ERC1: variants seen among roughly 807,000 people sequenced by gnomAD.
ERC1 encodes ELKS/RAB6-interacting/CAST family member 1, also known as RAB6 interacting protein 2.
A neutral mutation model predicts 132.0 loss-of-function variants in ERC1; 56 were observed. The ratio of observed to expected loss-of-function variants is 0.42; its 90% CI spans 0.34 to 0.53. The LOEUF is 0.53. ERC1 is among the 20% of genes least tolerant of loss of function. ERC1 has a pLI of 0.03. For missense variants in ERC1, 1,202 were observed against 1,349.9 expected (o/e 0.89, Z 1.72); for synonymous variants, 478 against 476.1 (o/e 1.00, Z -0.05).
chr12:1,023,432 A>C (rs900150752), intron 1 of ERC1, among the ~76,000 whole-genome samples: 4 of 151,680 alleles, frequency 2.6e-5, no homozygotes, highest in African/African-American at 7.3e-5. Flanking sequence ...CCCCTGCAGC[A>C]GCAGGTTTGG....
rs71293127 is a variant in ERC1, at chr12:1,286,293, C to CAAA, written c.2620-3543_2620-3541dup. Among the ~76,000 whole-genome samples the CAAA allele has an allele frequency of 3.2e-3, 259 of 81,110 alleles. 7 individuals are homozygous for CAAA. Among genetic ancestry groups the CAAA allele is most frequent in the Admixed American group, 5.7e-3 (38 of 6,722 alleles). The allele number at this position is 81,110 out of a possible 152,430, so 53.2% of individuals were successfully genotyped here. A position where few individuals can be genotyped will look rare whatever the true frequency, so the allele number is the denominator to read the frequency against. ...TGGGCAACAGGGCAAGACTCCATCT[C>CAAA]AAAAAAAAAAAAAAAAAAGAAAACT... On this transcript the variant is annotated intron_variant, in intron 14 of 18. Transcript: ENST00000360905.
intron 17 of ERC1, among the ~76,000 whole-genome samples, chr12:1,414,535 C>T (rs750510639): frequency 5.3e-5 from 8 of 152,174 alleles, no homozygotes; most frequent in South Asian, 4.2e-4. Flanking sequence ...ATAGCAATGA[C>T]GTTGCTGACT....
intron 8 of ERC1, among the ~76,000 whole-genome samples, chr12:1,154,907 T>C (rs1593782023): frequency 6.6e-6 from 1 of 152,128 alleles, no homozygotes; most frequent in East Asian, 1.9e-4. Context: ...TAAAAAATAA[T>C]AGCTGGTATC....
chr12:1,050,979 T>C (rs1165495236), intron 2 of ERC1, among the ~76,000 whole-genome samples: 3 of 151,936 alleles, frequency 2.0e-5, no homozygotes, highest in African/African-American at 7.3e-5. Flanking sequence ...CACTCCAGCC[T>C]GGCAACAGAG....
chr12:1,374,382 GC>G (rs936626656), intron 16 of ERC1, among the ~76,000 whole-genome samples: 10 of 151,086 alleles, frequency 6.6e-5, no homozygotes, highest in Admixed American at 1.3e-4. Flanking sequence ...TCTAACCACC[GC>G]CCCCCCACCC....
At chr12:1,347,105 G>A (rs114523384) in intron 15 of ERC1, among the ~76,000 whole-genome samples, 2 of 152,164 alleles carry the variant, frequency 1.3e-5, no homozygotes, top group Non-Finnish European at 1.5e-5. Context: ...TTTGTCGAGA[G>A]TCACTCCTGG....
chr12:1,231,206 A>C (rs567962194), intron 12 of ERC1, among the ~76,000 whole-genome samples: 1 of 150,462 alleles, frequency 6.6e-6, no homozygotes, highest in African/African-American at 2.4e-5. Context: ...ACTGGAGGTT[A>C]GTTTTCTTTG....
rs552037887 is a variant in ERC1, at chr12:1,193,465, G to A, written c.2351+3413G>A. On this transcript the variant is annotated intron_variant, in intron 12 of 18. Coordinates refer to ENST00000360905, the MANE Select transcript of ERC1 (RefSeq NM_178040.4). ...ACACACACACACACACATAGAGATAGATAAATACATATATACACACATATA... is the reference window on the plus strand; with the variant it reads ...ACACACACACACACACATAGAGATAAATAAATACATATATACACACATATA... Among the ~76,000 whole-genome samples the A allele has an allele frequency of 2.0e-5, 3 of 151,686 alleles. No homozygotes were observed. The East Asian group carries it at 5.8e-4, about 29-fold the overall frequency.
chr12:1,128,470 A>G (rs1167332280), intron 7 of ERC1, among the ~76,000 whole-genome samples: 3 of 152,152 alleles, frequency 2.0e-5, no homozygotes, highest in Non-Finnish European at 4.4e-5. Context: ...CCTGGACTCA[A>G]GTGATCCTCC....
intron 1 of ERC1, among the ~76,000 whole-genome samples, chr12:1,013,085 T>C (rs1254140563): frequency 6.6e-6 from 1 of 152,232 alleles, no homozygotes; most frequent in Non-Finnish European, 1.5e-5. Flanking sequence ...GAACTTTGTG[T>C]TGAGCTGATC....
At chr12:1,134,163 G>A (rs1418534069) in intron 7 of ERC1, among the ~76,000 whole-genome samples, 1 of 151,888 alleles carries the variant, frequency 6.6e-6, no homozygotes, top group African/African-American at 2.4e-5. Context: ...TACCAAAATT[G>A]CATTTATTCT....
At chr12:1,069,565 AT>A (rs1184169239) in intron 2 of ERC1, among the ~76,000 whole-genome samples, 1 of 152,202 alleles carries the variant, frequency 6.6e-6, no homozygotes, top group Admixed American at 6.5e-5. Flanking sequence ...GAATGGATAC[AT>A]TGATATTATT....
chr12:1,456,726 A>T (rs1194898114), intron 18 of ERC1, among the ~76,000 whole-genome samples: 1 of 151,852 alleles, frequency 6.6e-6, no homozygotes, highest in Non-Finnish European at 1.5e-5. Context: ...AGCAAGCAGA[A>T]GCTCGGATCT....
intron 8 of ERC1, chr12:1,151,894 G>C (rs1660180630): frequency 6.6e-6 from 1 of 152,226 alleles, no homozygotes; most frequent in Non-Finnish European, 1.5e-5. Flanking sequence ...GATTGATGAT[G>C]GAGTTTAAAA....
chr12:1,097,715 ATT>A (rs544266211), intron 3 of ERC1, among the ~76,000 whole-genome samples: 24 of 137,444 alleles, frequency 1.7e-4, no homozygotes, highest in Non-Finnish European at 1.8e-4. Context: ...TTAATTTTTA[ATT>A]TTTTTTTTTT....
intron 16 of ERC1, chr12:1,386,890 T>G (rs1418247185): frequency 6.6e-6 from 1 of 152,164 alleles, no homozygotes; most frequent in East Asian, 1.9e-4. Flanking sequence ...CTTAAAGATT[T>G]TCTGTCAACA....
chr12:1,288,436 A>G (rs1353528135), intron 14 of ERC1, among the ~76,000 whole-genome samples: 1 of 152,204 alleles, frequency 6.6e-6, no homozygotes, highest in Non-Finnish European at 1.5e-5. Flanking sequence ...TTCTTATGGC[A>G]ACTGGGACTG....
intron 16 of ERC1, among the ~76,000 whole-genome samples, chr12:1,377,540 A>C (rs985146677): frequency 3.3e-5 from 5 of 152,230 alleles, no homozygotes; most frequent in Non-Finnish European, 7.3e-5. Context: ...TGGACTTGCT[A>C]TCTTTCAATT....
chr12:1,008,301 C>T (rs1461258421), intron 1 of ERC1, among the ~76,000 whole-genome samples: 3 of 152,060 alleles, frequency 2.0e-5, no homozygotes, highest in Non-Finnish European at 4.4e-5. Context: ...ATATGAGCCA[C>T]ATATGTAATT....
Sources: allele counts gnomAD v4.1 joint callset (sites outside exome capture counted in the v4.1 genomes callset), GRCh38; gene constraint gnomAD v4.1.1; transcripts MANE v1.5; gene names NCBI Gene and HGNC (gene_info 2026-07-23, HGNC 2026-07-21).